Variants in USP50 observed in about 807,000 individuals in gnomAD.
USP50 encodes ubiquitin specific peptidase 50.
Under a neutral mutation model 39.2 loss-of-function variants are expected in USP50, and 37 were observed. The observed-to-expected ratio is 0.94, with a 90% CI of 0.73 to 1.24. The LOEUF is 1.24. USP50 is among the 50% of genes most tolerant of loss of function. USP50 has a pLI of 0.00. For missense variants in USP50, 374 were observed against 398.2 expected (o/e 0.94, Z 0.52); for synonymous variants, 139 against 144.5 (o/e 0.96, Z 0.27).
chr15:50,535,166 A>C (rs28859882), intron 5 of USP50, among the ~76,000 whole-genome samples: 26,828 of 149,366 alleles, frequency 0.18, 2,538 homozygotes, highest in Admixed American at 0.29. Flanking sequence ...CACACACACA[A>C]AAATTGATAG....
intron 6 of USP50, among the ~76,000 whole-genome samples, chr15:50,529,584 C>A (rs1299096144): frequency 6.6e-6 from 1 of 152,074 alleles, no homozygotes; most frequent in African/African-American, 2.4e-5. Context: ...TCTGAAATAG[C>A]CACTGAGTGG....
chr15:50,496,306 C>T (rs996926411), downstream of USP50, among the ~76,000 whole-genome samples: 33 of 151,710 alleles, frequency 2.2e-4, 1 homozygote, highest in Non-Finnish European at 1.2e-4. Flanking sequence ...ACGGTGAAAC[C>T]CCATCTCTAC....
chr15:50,540,966 A>G, intron 4 of USP50, 83 bp downstream of exon 4: 1 of 1,067,134 alleles, frequency 9.4e-7, no homozygotes, highest in Non-Finnish European at 1.4e-6. Flanking sequence ...CTCTCATACT[A>G]AACAAATGTA....
chr15:50,543,640 G>T lies in USP50; in HGVS notation c.402C>A (p.Phe134Leu), dbSNP rs2053046834. Residue 134 changes from phenylalanine to leucine, a missense_variant, in exon 3 of 7, where the codon TTC (phenylalanine) becomes TTA (leucine). Transcript: ENST00000532404. ...GAAGTTCATTTAGGACACAAATCAA[G>T]AATTCCTGAGCATCTTGTTGCATCT... ...TKKMQQDAQE[F>L]LICVLNELHE... 1.2e-5 allele frequency: 20 copies of T among 1,613,720 alleles called. No homozygotes were observed. Among genetic ancestry groups the T allele is most frequent in the Non-Finnish European group, 1.7e-5 (20 of 1,179,782 alleles).
In USP50 at chr15:50,538,840, T is replaced by A. The variant is rs201906624; in HGVS notation, c.672A>T (p.Gln224His). The A allele has an allele frequency of 5.6e-6, 9 of 1,609,622 alleles. No homozygotes were observed. The highest frequency in any genetic ancestry group is 6.8e-6 in the Non-Finnish European group (8 of 1,178,478). ...TCAGTGCGTCTTGTTGAAAAAAACA[T>A]TGGAGACAGTCCTGTTAAGGAAAAA... ...KYECSLRDCL[Q>H]CFFQQDALTW... Residue 224 changes from glutamine (Q) to histidine (H), a missense_variant, in exon 5 of 7, where the codon CAA becomes CAT. Coordinates refer to ENST00000532404, the MANE Select transcript of USP50 (RefSeq NM_203494.5).
downstream of USP50, chr15:50,496,751 C>T (rs879601114): frequency 1.6e-4 from 28 of 177,526 alleles, no homozygotes; most frequent in Middle Eastern, 2.1e-3. Flanking sequence ...TTCCATGTAT[C>T]AACAATGTTT....
intron 1 of USP50, among the ~76,000 whole-genome samples, chr15:50,545,930 T>A (rs931389652): frequency 6.6e-6 from 1 of 151,064 alleles, no homozygotes; most frequent in African/African-American, 2.4e-5. Flanking sequence ...ACTGAAAAAT[T>A]TTTTTAAGTG....
intron 5 of USP50, among the ~76,000 whole-genome samples, chr15:50,533,642 A>G (rs1433822255): frequency 6.6e-6 from 1 of 152,240 alleles, no homozygotes; most frequent in Admixed American, 6.5e-5. Flanking sequence ...GTGAAGGGAA[A>G]TAAATACTTC....
intron 6 of USP50, among the ~76,000 whole-genome samples, chr15:50,514,669 C>G (rs572839683): frequency 1.3e-5 from 2 of 152,044 alleles, no homozygotes; most frequent in African/African-American, 2.4e-5. Context: ...GCTGGGATTA[C>G]AGGCGCATGC....
Position 50,529,886 on chromosome 15 carries a change from T to C in USP50, c.847A>G (p.Ile283Val), listed in dbSNP as rs900985864. 3 of 1,613,910 alleles carry C rather than the reference T, an allele frequency of 1.9e-6. No homozygotes were observed. Among genetic ancestry groups the C allele is most frequent in the African/African-American group, 2.7e-5 (2 of 74,950 alleles). ...TCCAAGTTAGTGAGTGGGTAATGAA[T>C]ATCCGTTCTCAGCTTCCTTTTTGTT... is the stretch of plus-strand genomic sequence containing the variant. ...GTTKRKLRTD[I>V]HYPLTNLDLT... is the part of the protein sequence containing the mutation. Residue 283 changes from isoleucine to valine, a missense_variant, in exon 6 of 7, where the codon ATT becomes GTT. Physicochemically the swap from Ile to Val is conservative, Grantham distance 29 (BLOSUM62 3). Coordinates refer to ENST00000532404, the MANE Select transcript of USP50 (RefSeq NM_203494.5).
At chr15:50,534,640 C>T (rs148346561) in intron 5 of USP50, among the ~76,000 whole-genome samples, 367 of 152,226 alleles carry the variant, frequency 2.4e-3, no homozygotes, top group Non-Finnish European at 3.0e-3. Context: ...TATAAAGACA[C>T]ACAGAGCCTA....
At chr15:50,502,500 C>G (rs927981569) in intron 6 of USP50, 2 of 152,390 alleles carry the variant, frequency 1.3e-5, no homozygotes, top group African/African-American at 2.4e-5. Context: ...TCCCAAGTAA[C>G]TGGGATTACA....
At chr15:50,501,877 A>G (rs1417666208) in intron 6 of USP50, 1 of 152,214 alleles carries the variant, frequency 6.6e-6, no homozygotes, top group Admixed American at 6.5e-5. Context: ...GTATTGTTAT[A>G]TGTGAAAATT....
chr15:50,515,843 T>C (rs2052799169), intron 6 of USP50, among the ~76,000 whole-genome samples: 1 of 152,154 alleles, frequency 6.6e-6, no homozygotes, highest in Non-Finnish European at 1.5e-5. Flanking sequence ...CAATGCATTC[T>C]ACAGTACTGT....
intron 6 of USP50, among the ~76,000 whole-genome samples, chr15:50,515,804 T>C (rs76621899): frequency 0.15 from 23,205 of 152,100 alleles, 2,328 homozygotes; most frequent in Admixed American, 0.28. Flanking sequence ...CATACACATA[T>C]ACAAAAATTT....
At chr15:50,494,646 A>G (rs902730828) in intron 1 of USP50, among the ~76,000 whole-genome samples, 1 of 152,242 alleles carries the variant, frequency 6.6e-6, no homozygotes, top group African/African-American at 2.4e-5. Flanking sequence ...TATTGTACAT[A>G]TCCTTATTCT....
chr15:50,540,449 C>A lies in USP50; in HGVS notation c.660+600G>T, dbSNP rs146001005. Among the ~76,000 whole-genome samples, 376 of 152,246 alleles carry A rather than the reference C, an allele frequency of 2.5e-3. 2 individuals are homozygous for A. The highest frequency in any genetic ancestry group is 8.6e-3 in the African/African-American group (356 of 41,540). On this transcript the variant is annotated intron_variant, in intron 4 of 6. Coordinates refer to ENST00000532404, the MANE Select transcript of USP50 (RefSeq NM_203494.5). ...ACTTTTTGCAAGAAATTATAAATTT[C>A]TTTTATGCACAAATCTACCTCAATA...
downstream of USP50, among the ~76,000 whole-genome samples, chr15:50,498,028 A>AAC (rs2052483163): frequency 6.6e-6 from 1 of 152,210 alleles, no homozygotes. Context: ...TGGAAGTATA[A>AAC]ACATTCTATA....
At chr15:50,496,502 C>CGGTTTTTTTTTTTTTTT (rs1595993004), downstream of USP50, among the ~76,000 whole-genome samples, 1 of 142,092 alleles carries the variant, frequency 7.0e-6, no homozygotes, top group South Asian at 2.3e-4. Flanking sequence ...AAAAAAAAAC[C>CGGTTTTTTTTTTTTTTT]TTTTATCAGT....
Sources: allele counts gnomAD v4.1 joint callset (sites outside exome capture counted in the v4.1 genomes callset), GRCh38; gene constraint gnomAD v4.1.1; transcripts MANE v1.5; gene names NCBI Gene and HGNC (gene_info 2026-07-23, HGNC 2026-07-21).